Variants in SNX27 observed in about 807,000 individuals in gnomAD.
The protein encoded by SNX27 is sorting nexin-27.
A neutral mutation model predicts 71.6 loss-of-function variants in SNX27; 22 were observed. The observed-to-expected ratio is 0.31, with a 90% CI of 0.22 to 0.44. The LOEUF is 0.44. SNX27 is among the 20% of genes least tolerant of loss of function. SNX27 has a pLI of 1.00. For synonymous variants in SNX27, 269 were observed against 277.2 expected, an observed-to-expected ratio of 0.97 and a Z score of 0.29; for missense variants, 531 against 698.6, an observed-to-expected ratio of 0.76 and a Z score of 2.70.
At chr1:151,689,501 C>T (rs577169015) in intron 8 of SNX27, among the ~76,000 whole-genome samples, 7 of 152,342 alleles carry the variant, frequency 4.6e-5, no homozygotes, top group African/African-American at 1.4e-4. Flanking sequence ...CTGCCTTTGT[C>T]GGCATGCTTC....
At chr1:151,636,666 T>TA (rs11333472) in intron 1 of SNX27, among the ~76,000 whole-genome samples, 4,161 of 97,498 alleles carry the variant, frequency 0.043, 255 homozygotes, top group African/African-American at 0.14. Flanking sequence ...TCCACTTTTG[T>TA]AAAAAAAAAA....
intron 1 of SNX27, among the ~76,000 whole-genome samples, chr1:151,631,508 A>G (rs1481087533): frequency 6.6e-6 from 1 of 152,224 alleles, no homozygotes; most frequent in Non-Finnish European, 1.5e-5. Context: ...TGCATTTAAC[A>G]TAAGAACTTC....
rs912673003 is a variant in SNX27, at chr1:151,694,065, G to C, written c.1579-305G>C. ...TTTAGTACAGTAGAAAGAACATTGG[G>C]CTCTGGGAATTTTATCTGGGTTTTC... On this transcript the variant is annotated intron_variant, in intron 11 of 11. Coordinates refer to ENST00000458013, the MANE Select transcript of SNX27 (RefSeq NM_001330723.2). 3.2e-6 allele frequency: 4 copies of C among 1,238,960 alleles called. No homozygotes were observed. The African/African-American group carries it at 6.2e-5, about 19-fold the overall frequency. 76.7% of individuals were successfully genotyped at this position (1,238,960 alleles called of 1,614,324 possible). A position where few individuals can be genotyped will look rare whatever the true frequency, so the allele number is the denominator to read the frequency against.
chr1:151,674,718 C>T (rs1415277490), intron 7 of SNX27, among the ~76,000 whole-genome samples: 2 of 151,240 alleles, frequency 1.3e-5, no homozygotes, highest in East Asian at 3.9e-4. Flanking sequence ...GACAAAGTCT[C>T]GCTTTGTCGC....
At chr1:151,685,032 C>T (rs1671130879) in intron 8 of SNX27, among the ~76,000 whole-genome samples, 2 of 152,094 alleles carry the variant, frequency 1.3e-5, no homozygotes, top group Admixed American at 1.3e-4. Flanking sequence ...TGGTCTCGAA[C>T]TCCAGACCTT....
At chr1:151,659,216 C>A (rs6685067) in intron 3 of SNX27, among the ~76,000 whole-genome samples, 48,755 of 151,824 alleles carry the variant, frequency 0.32, 8,017 homozygotes, top group Middle Eastern at 0.43. Context: ...AAGGTAGATA[C>A]TAATACTTCT....
intron 1 of SNX27, among the ~76,000 whole-genome samples, chr1:151,630,689 CAA>C (rs1668185416): frequency 1.3e-5 from 2 of 152,166 alleles, no homozygotes; most frequent in African/African-American, 4.8e-5. Flanking sequence ...TCTTATATCT[CAA>C]GAGTTTAAGG....
At chr1:151,639,141 T>C (rs1383362213) in intron 2 of SNX27, 22 bp downstream of exon 2, 1 of 1,584,620 alleles carries the variant, frequency 6.3e-7, no homozygotes. Context: ...CCCAACTCGA[T>C]CCTCGAACAT....
chr1:151,679,339 G>A (rs1204063422), intron 7 of SNX27: 3 of 152,136 alleles, frequency 2.0e-5, no homozygotes, highest in African/African-American at 7.2e-5. Flanking sequence ...TATGTTAGTT[G>A]CTAATGGTAA....
At chr1:151,676,039 C>T (rs1263963560) in intron 7 of SNX27, 1 of 148,150 alleles carries the variant, frequency 6.7e-6, no homozygotes, top group Non-Finnish European at 1.5e-5. Context: ...GCAGTGTTGC[C>T]CAGGCTGGTC....
chr1:151,663,054 A>T (rs1670031494), intron 5 of SNX27, among the ~76,000 whole-genome samples: 1 of 152,120 alleles, frequency 6.6e-6, no homozygotes, highest in African/African-American at 2.4e-5. Flanking sequence ...TTGCCTAATA[A>T]CTACTCCATA....
rs762924986 is a variant in SNX27, at chr1:151,681,235, C to CTTTTTTTTTTT, written c.1150-2107_1150-2097dup. On this transcript the variant is annotated intron_variant, in intron 7 of 11. Coordinates refer to ENST00000458013, the MANE Select transcript of SNX27 (RefSeq NM_001330723.2). ...CTAGAAGTTGAATTAGTCTCTCAAT[C>CTTTTTTTTTTT]TTTTTTTTTTTTTTTTTTTTTTTTG... Among the ~76,000 whole-genome samples the CTTTTTTTTTTT allele has an allele frequency of 4.0e-3, 245 of 60,696 alleles. 42 individuals carry two copies. The highest frequency in any genetic ancestry group is 5.6e-3 in the Non-Finnish European group (179 of 31,686). 39.8% of individuals were successfully genotyped at this position (60,696 alleles called of 152,430 possible).
chr1:151,694,551 A>G lies in SNX27; in HGVS notation c.*134A>G. The G allele has an allele frequency of 2.5e-6, 2 of 809,496 alleles. No individual in the cohort carries two copies. Among genetic ancestry groups the G allele is most frequent in the South Asian group, 2.2e-5 (1 of 45,102 alleles). 50.1% of individuals were successfully genotyped at this position (809,496 alleles called of 1,614,324 possible). On this transcript the variant is annotated 3_prime_UTR_variant, in exon 12 of 12. Transcript: ENST00000458013. ...GTTATATTCAAAAGCCCTAAACTAA[A>G]TATTATTAATAACCCCCTCTGAATT...
In SNX27 at chr1:151,697,782, G is replaced by A. The variant is rs1436667463; in HGVS notation, c.*3365G>A. On this transcript the variant is annotated 3_prime_UTR_variant, in exon 12 of 12. Transcript: ENST00000458013. Reference sequence around the variant, plus strand: ...GGAGGCTTCTACCCAGACTTCTTTTGCAATTTGTCCCTGGGAAGAGGGGGT... The same window carrying A: ...GGAGGCTTCTACCCAGACTTCTTTTACAATTTGTCCCTGGGAAGAGGGGGT... 6.6e-6 allele frequency: 1 copy of A among 152,626 alleles called. No individual in the cohort carries two copies. Among genetic ancestry groups the A allele is most frequent in the Non-Finnish European group, 1.5e-5 (1 of 68,090 alleles). 9.5% of individuals were successfully genotyped at this position (152,626 alleles called of 1,614,324 possible). A position where few individuals can be genotyped will look rare whatever the true frequency, so the allele number is the denominator to read the frequency against.
chr1:151,617,372 G>A (rs1409372333), intron 1 of SNX27, among the ~76,000 whole-genome samples: 2 of 152,014 alleles, frequency 1.3e-5, no homozygotes, highest in Admixed American at 6.6e-5. Context: ...TCCGCCTCCC[G>A]GGTTCAAGCA....
At chr1:151,665,861 A>C (rs1319245480) in intron 5 of SNX27, 72 bp from the exon 6 acceptor site, 1 of 1,302,708 alleles carries the variant, frequency 7.7e-7, no homozygotes, top group Non-Finnish European at 1.1e-6. Flanking sequence ...CTCCACAGAC[A>C]TACACCTGCT....
chr1:151,652,184 AGAGAGGGAGAGGGAGACCGTGGG>A (rs1192470450), intron 2 of SNX27, among the ~76,000 whole-genome samples: 3 of 102,690 alleles, frequency 2.9e-5, no homozygotes, highest in Admixed American at 1.4e-4. Context: ...GACCGTGGAA[AGAGAGGGAGAGGGAGACCGTGGG>A]GAGAGGGAGA....
chr1:151,627,303 A>G (rs1667989007), intron 1 of SNX27, among the ~76,000 whole-genome samples: 1 of 152,094 alleles, frequency 6.6e-6, no homozygotes, highest in Non-Finnish European at 1.5e-5. Flanking sequence ...ATTCCAATAC[A>G]CTTGTTTAGC....
rs1571882696 is a variant in SNX27 at position 151,693,674 on chromosome 1, G to A, written c.1578+191G>A. The A allele has an allele frequency of 4.3e-6, 7 of 1,611,918 alleles. No homozygotes were observed. The South Asian group carries it at 5.5e-5, about 13-fold the overall frequency. On this transcript the variant is annotated intron_variant, in intron 11 of 11. Coordinates refer to ENST00000458013, the MANE Select transcript of SNX27 (RefSeq NM_001330723.2). Reference sequence around the variant, plus strand: ...TTGGCCTCTGGATGGTGAACGGGCTGTGCAAAAAAGCCCTGCTTCTTCCCT... The same window carrying A: ...TTGGCCTCTGGATGGTGAACGGGCTATGCAAAAAAGCCCTGCTTCTTCCCT...
Sources: gnomAD v4.1 joint callset for allele counts (sites outside exome capture counted in the v4.1 genomes callset) on GRCh38, gnomAD v4.1.1 for gene constraint, MANE v1.5 for transcripts, NCBI Gene and HGNC (gene_info 2026-07-23, HGNC 2026-07-21) for gene names.